Variants in BBX observed in about 807,000 individuals in gnomAD.
BBX encodes the protein HMG box transcription factor BBX.
Under a neutral mutation model 100.2 loss-of-function variants are expected in BBX, and 30 were observed. That is an observed-to-expected ratio of 0.30 (90% CI 0.22 to 0.41). BBX has a LOEUF of 0.41. Among genes scored for constraint, BBX ranks in the 10% least tolerant of loss-of-function variants. The probability of loss-of-function intolerance (pLI) is 1.00; values close to 1 mark genes in which losing one functional copy is unlikely to be tolerated. For synonymous variants in BBX, 376 were observed against 388.1 expected (o/e 0.97, Z 0.37); for missense variants, 1,023 against 1,129.8 (o/e 0.91, Z 1.35).
In BBX at chr3:107,662,352, G is replaced by A. The variant is rs180982487; in HGVS notation, c.-10+16443G>A. Among the ~76,000 whole-genome samples the A allele has an allele frequency of 5.4e-3, 817 of 152,152 alleles. 9 individuals are homozygous for A. Among genetic ancestry groups the A allele is most frequent in the Non-Finnish European group, 5.6e-3 (380 of 68,000 alleles). On this transcript the variant is annotated intron_variant, in intron 3 of 17. Coordinates refer to ENST00000325805, the MANE Select transcript of BBX (RefSeq NM_001142568.3). ...CTGTGAGTGAATCCCTGACGGTGGCGGGTAATGAAATGAAAGTGCTAAGTT... is the reference window on the plus strand; with the variant it reads ...CTGTGAGTGAATCCCTGACGGTGGCAGGTAATGAAATGAAAGTGCTAAGTT...
At chr3:107,756,937 G>A (rs1162838705) in intron 10 of BBX, among the ~76,000 whole-genome samples, 1 of 152,158 alleles carries the variant, frequency 6.6e-6, no homozygotes, top group Non-Finnish European at 1.5e-5. Flanking sequence ...ACAAATCCTA[G>A]TAAACAGACA....
At chr3:107,540,597 C>T (rs2048798990) in intron 2 of BBX, among the ~76,000 whole-genome samples, 4 of 152,162 alleles carry the variant, frequency 2.6e-5, no homozygotes, top group African/African-American at 9.7e-5. Flanking sequence ...TAAGCCCTGG[C>T]AGTGTTGCCT....
At chr3:107,672,223 G>A (rs955151704) in intron 3 of BBX, among the ~76,000 whole-genome samples, 2 of 151,952 alleles carry the variant, frequency 1.3e-5, no homozygotes, top group Non-Finnish European at 2.9e-5. Flanking sequence ...AAATAATTAT[G>A]TTAATTATAT....
At chr3:107,742,599 G>C (rs1576595572) in intron 7 of BBX, among the ~76,000 whole-genome samples, 1 of 152,236 alleles carries the variant, frequency 6.6e-6, no homozygotes, top group East Asian at 1.9e-4. Context: ...CCATTGGATA[G>C]CATTTGTTGT....
At chr3:107,648,157 C>T (rs543707789) in intron 3 of BBX, among the ~76,000 whole-genome samples, 86 of 152,178 alleles carry the variant, frequency 5.7e-4, no homozygotes, top group African/African-American at 1.9e-3. Flanking sequence ...GGAAGTTCTT[C>T]GGTAAATTAA....
At chr3:107,785,856 G>T (rs1260313558) in intron 13 of BBX, among the ~76,000 whole-genome samples, 1 of 151,990 alleles carries the variant, frequency 6.6e-6, no homozygotes, top group Non-Finnish European at 1.5e-5. Flanking sequence ...AGAAACAAAA[G>T]GTGTCTAGAT....
intron 9 of BBX, among the ~76,000 whole-genome samples, chr3:107,748,780 C>G (rs977310765): frequency 6.6e-6 from 1 of 151,738 alleles, no homozygotes; most frequent in East Asian, 1.9e-4. Context: ...CCCTTTTTAT[C>G]CCAACTAAAA....
intron 2 of BBX, among the ~76,000 whole-genome samples, chr3:107,638,809 A>G: frequency 8.6e-6 from 1 of 116,790 alleles, no homozygotes; most frequent in African/African-American, 2.8e-5. Flanking sequence ...ACACACACAC[A>G]CACACACACA....
intron 2 of BBX, among the ~76,000 whole-genome samples, chr3:107,539,286 A>G (rs2048713180): frequency 6.6e-6 from 1 of 152,226 alleles, no homozygotes; most frequent in Admixed American, 6.5e-5. Context: ...CTCTGGTCTC[A>G]GGATATTTCT....
chr3:107,706,609 T>C (rs538983141), intron 3 of BBX, among the ~76,000 whole-genome samples: 1 of 152,332 alleles, frequency 6.6e-6, no homozygotes, highest in East Asian at 1.9e-4. Context: ...ATTCTAAAAT[T>C]GCAATGCAGA....
At chr3:107,796,796 G>A (rs1385658678) in intron 15 of BBX, among the ~76,000 whole-genome samples, 1 of 151,868 alleles carries the variant, frequency 6.6e-6, no homozygotes. Flanking sequence ...AATATTCTAA[G>A]ACTAAGTATA....
intron 2 of BBX, among the ~76,000 whole-genome samples, chr3:107,583,484 T>C (rs1386238019): frequency 6.6e-6 from 1 of 151,972 alleles, no homozygotes; most frequent in Non-Finnish European, 1.5e-5. Context: ...TGATATATCA[T>C]AGTTGTACAT....
chr3:107,660,539 A>C (rs1000737156), intron 3 of BBX, among the ~76,000 whole-genome samples: 17 of 150,606 alleles, frequency 1.1e-4, no homozygotes, highest in African/African-American at 4.1e-4. Context: ...CATGTAGCTC[A>C]CAAAACCTAT....
Position 107,741,383 on chromosome 3 carries a change from T to C in BBX, c.670-3247T>C, listed in dbSNP as rs115689704. ...CTAATCACTCCCCTTCCATGGTTAT[T>C]GAGAATTATAACTAAATCAAAGAGA... On this transcript the variant is annotated intron_variant, in intron 7 of 17. Coordinates refer to ENST00000325805, the MANE Select transcript of BBX (RefSeq NM_001142568.3). Among the ~76,000 whole-genome samples the C allele has an allele frequency of 2.7e-3, 404 of 152,282 alleles. 1 individual carries two copies. Among genetic ancestry groups the C allele is most frequent in the Non-Finnish European group, 3.9e-3 (264 of 68,030 alleles).
intron 2 of BBX, among the ~76,000 whole-genome samples, chr3:107,576,835 A>G (rs1398421154): frequency 6.6e-6 from 1 of 152,110 alleles, no homozygotes; most frequent in Non-Finnish European, 1.5e-5. Context: ...CTTTATAAGC[A>G]TTAAATTGCA....
rs143605419 is a variant in BBX at position 107,630,099 on chromosome 3, T to A, written c.-83-15737T>A. Among the ~76,000 whole-genome samples the A allele has an allele frequency of 1.2e-4, 18 of 152,270 alleles. No homozygotes were observed. The East Asian group carries it at 3.5e-3, about 29-fold the overall frequency. The stretch of plus-strand genomic sequence containing the variant: ...TATCACTTCAGTCCTTCTATATCCA[T>A]AGCGGTTCTCAAGTCTGACGGCACC... On this transcript the variant is annotated intron_variant, in intron 2 of 17. Coordinates refer to ENST00000325805, the MANE Select transcript of BBX (RefSeq NM_001142568.3).
chr3:107,607,365 G>A (rs1004225688), intron 2 of BBX, among the ~76,000 whole-genome samples: 1 of 152,184 alleles, frequency 6.6e-6, no homozygotes, highest in African/African-American at 2.4e-5. Context: ...ACAGGTGTGA[G>A]CCACTGTGCC....
chr3:107,615,990 C>G (rs1291736786), intron 2 of BBX, among the ~76,000 whole-genome samples: 1 of 124,234 alleles, frequency 8.0e-6, no homozygotes, highest in Non-Finnish European at 1.6e-5. Flanking sequence ...AGGAGAAGCA[C>G]ACGCTACTCA....
chr3:107,598,581 A>G (rs1294637221), intron 2 of BBX, among the ~76,000 whole-genome samples: 3 of 152,238 alleles, frequency 2.0e-5, no homozygotes, highest in African/African-American at 7.2e-5. Context: ...TTATAAAATT[A>G]CAATAGTACA....
Sources: gnomAD v4.1 joint callset for allele counts (sites outside exome capture counted in the v4.1 genomes callset) on GRCh38, gnomAD v4.1.1 for gene constraint, MANE v1.5 for transcripts, NCBI Gene and HGNC (gene_info 2026-07-23, HGNC 2026-07-21) for gene names.